Variants in EXOC6B observed in about 807,000 individuals in gnomAD.
EXOC6B encodes the protein exocyst complex component 6B, also known as SEC15 homolog B.
EXOC6B carries 54 observed loss-of-function variants against 113.5 expected under a neutral mutation model. The ratio of observed to expected loss-of-function variants is 0.48; its 90% confidence interval spans 0.38 to 0.60. The LOEUF (loss-of-function observed/expected upper bound fraction) is 0.60, where lower values mean the gene tolerates loss of function less well. Ranked by LOEUF, EXOC6B falls within the 20% of genes least tolerant of loss-of-function variation. The pLI, the probability that EXOC6B is intolerant of heterozygous loss-of-function variation, is 0.00. For synonymous variants in EXOC6B, 357 were observed against 339.0 expected, an observed-to-expected ratio of 1.05 and a Z score of -0.58; for missense variants, 797 against 977.5, an observed-to-expected ratio of 0.82 and a Z score of 2.46.
chr2:72,207,016 CT>C (rs916951364), intron 20 of EXOC6B, among the ~76,000 whole-genome samples: 18 of 152,062 alleles, frequency 1.2e-4, no homozygotes, highest in Admixed American at 3.9e-4. Context: ...GCCTTTAACA[CT>C]TTTTTTTCTC....
intron 6 of EXOC6B, among the ~76,000 whole-genome samples, chr2:72,590,232 T>G (rs1399532539): frequency 6.6e-6 from 1 of 151,988 alleles, no homozygotes; most frequent in East Asian, 1.9e-4. Flanking sequence ...AAATTTTGAT[T>G]ATGATCCATT....
intron 13 of EXOC6B, 69 bp downstream of exon 13, chr2:72,498,385 C>A: frequency 1.9e-6 from 2 of 1,053,564 alleles, no homozygotes; most frequent in South Asian, 1.6e-5. Context: ...AAAACCTTTG[C>A]GCATAAATAC....
intron 20 of EXOC6B, among the ~76,000 whole-genome samples, chr2:72,285,059 T>C (rs532838625): frequency 2.0e-5 from 3 of 152,262 alleles, no homozygotes; most frequent in East Asian, 1.9e-4. Flanking sequence ...ACTTGATCTA[T>C]AGATTCAATG....
chr2:72,210,981 T>A (rs898053979), intron 20 of EXOC6B, among the ~76,000 whole-genome samples: 5 of 152,220 alleles, frequency 3.3e-5, no homozygotes, highest in African/African-American at 1.2e-4. Flanking sequence ...GAGTTAAATG[T>A]TATCTGTAGA....
intron 8 of EXOC6B, among the ~76,000 whole-genome samples, chr2:72,529,170 C>T (rs961733100): frequency 3.9e-5 from 6 of 152,142 alleles, no homozygotes; most frequent in Admixed American, 3.9e-4. Flanking sequence ...AAATATAAAG[C>T]TAGCTACGGG....
chr2:72,239,282 T>A (rs1431602500), intron 20 of EXOC6B, among the ~76,000 whole-genome samples: 1 of 152,246 alleles, frequency 6.6e-6, no homozygotes, highest in Non-Finnish European at 1.5e-5. Flanking sequence ...GAAGATTTAC[T>A]TCAATGTTTC....
chr2:72,444,212 A>C (rs951692437), intron 18 of EXOC6B, among the ~76,000 whole-genome samples: 2 of 152,234 alleles, frequency 1.3e-5, no homozygotes, highest in Non-Finnish European at 2.9e-5. Flanking sequence ...TTAAAGCTCG[A>C]AAATGATCTC....
rs1693185541 is a variant in EXOC6B, at chr2:72,401,523, ACATATATATATATATATATATGTG to A, written c.1981-21677_1981-21654del. ...TATATATATATATATATACATATAT[ACATATATATATATATATATATGTG>A]TATATATATATATATATACATATAT... is the stretch of plus-strand genomic sequence containing the variant. On this transcript the variant is annotated intron_variant, in intron 18 of 21. Transcript: ENST00000272427. Among the ~76,000 whole-genome samples the A allele has an allele frequency of 7.5e-4, 9 of 12,038 alleles. 1 individual carries two copies. The highest frequency in any genetic ancestry group is 2.4e-3 in the African/African-American group (4 of 1,692). The allele number at this position is 12,038 out of a possible 152,430, so 7.9% of individuals were successfully genotyped here.
chr2:72,803,475 T>C (rs959752323), intron 1 of EXOC6B, among the ~76,000 whole-genome samples: 5 of 152,128 alleles, frequency 3.3e-5, no homozygotes, highest in African/African-American at 1.2e-4. Flanking sequence ...ACATCCATAT[T>C]AAGGCTTCAT....
chr2:72,265,094 C>T (rs1413433577), intron 20 of EXOC6B, among the ~76,000 whole-genome samples: 1 of 151,812 alleles, frequency 6.6e-6, no homozygotes, highest in African/African-American at 2.4e-5. Context: ...AGACATGGAA[C>T]GTTTGGAACT....
At chr2:72,740,118 CAATT>C (rs1049403217) in intron 2 of EXOC6B, among the ~76,000 whole-genome samples, 3 of 152,042 alleles carry the variant, frequency 2.0e-5, no homozygotes, top group Admixed American at 6.6e-5. Context: ...TATCTATAAT[CAATT>C]GAGTTTTTAA....
chr2:72,732,512 C>T (rs908084492), intron 3 of EXOC6B, among the ~76,000 whole-genome samples: 1 of 151,968 alleles, frequency 6.6e-6, no homozygotes, highest in African/African-American at 2.4e-5. Context: ...CACACTGTGC[C>T]AGTCACTATT....
chr2:72,615,372 G>A lies in EXOC6B; in HGVS notation c.670-39704C>T, dbSNP rs1671319810. Among the ~76,000 whole-genome samples, 3 of 152,018 alleles carry A rather than the reference G, an allele frequency of 2.0e-5. No homozygotes were observed. In the South Asian group the frequency reaches 6.2e-4, roughly 31 times the overall value. On this transcript the variant is annotated intron_variant, in intron 6 of 21. Coordinates refer to ENST00000272427, the MANE Select transcript of EXOC6B (RefSeq NM_015189.3). ...ATCTTCAAAAGTCCAACTTCAGTTT[G>A]TTAGAAGGAAAATTTTAGACGAATT...
At chr2:72,730,958 A>T (rs1388407244) in intron 5 of EXOC6B, 49 bp downstream of exon 5, 1 of 1,351,186 alleles carries the variant, frequency 7.4e-7, no homozygotes, top group East Asian at 2.5e-5. Flanking sequence ...TATTCTAAAC[A>T]ACAGAAATTT....
intron 1 of EXOC6B, among the ~76,000 whole-genome samples, chr2:72,808,261 A>G (rs1373758635): frequency 6.6e-6 from 1 of 152,254 alleles, no homozygotes; most frequent in Non-Finnish European, 1.5e-5. Flanking sequence ...AAGAAAAATT[A>G]TAACACAGTC....
At chr2:72,312,622 G>A (rs1254699419) in intron 20 of EXOC6B, among the ~76,000 whole-genome samples, 1 of 151,856 alleles carries the variant, frequency 6.6e-6, no homozygotes, top group Non-Finnish European at 1.5e-5. Flanking sequence ...CGGGTGTGGT[G>A]GTGGGCGCCT....
At chr2:72,816,612 C>A (rs976651233) in intron 1 of EXOC6B, among the ~76,000 whole-genome samples, 1 of 152,094 alleles carries the variant, frequency 6.6e-6, no homozygotes, top group Non-Finnish European at 1.5e-5. Flanking sequence ...ATATTTCAAA[C>A]CCACACAAGA....
At chr2:72,390,479 AAT>A (rs1692307668) in intron 18 of EXOC6B, among the ~76,000 whole-genome samples, 2 of 152,166 alleles carry the variant, frequency 1.3e-5, no homozygotes. Context: ...TTTTTTATTG[AAT>A]ACTGGATATT....
At chr2:72,251,481 AAAGG>A (rs928562780) in intron 20 of EXOC6B, among the ~76,000 whole-genome samples, 1 of 152,206 alleles carries the variant, frequency 6.6e-6, no homozygotes, top group Non-Finnish European at 1.5e-5. Flanking sequence ...ACGTGAAACT[AAAGG>A]TATTCATTTG....
Sources: gnomAD v4.1 joint callset for allele counts (sites outside exome capture counted in the v4.1 genomes callset) on GRCh38, gnomAD v4.1.1 for gene constraint, MANE v1.5 for transcripts, NCBI Gene and HGNC (gene_info 2026-07-23, HGNC 2026-07-21) for gene names.